Variants in DACH2 observed in about 807,000 individuals in gnomAD.
DACH2 encodes the protein dachshund family transcription factor 2.
DACH2 carries 17 observed loss-of-function variants against 35.8 expected under a neutral mutation model. The ratio of observed to expected loss-of-function variants is 0.48; its 90% CI spans 0.33 to 0.71. The LOEUF (loss-of-function observed/expected upper bound fraction) is 0.71. Ranked by LOEUF, DACH2 falls within the 30% of genes least tolerant of loss-of-function variation. The pLI is 0.02. For missense variants in DACH2, 469 were observed against 472.7 expected (o/e 0.99, Z 0.07); for synonymous variants, 195 against 177.3 (o/e 1.10, Z -0.79).
intron 7 of DACH2, among the ~76,000 whole-genome samples, chrX:86,792,835 G>A (rs1354236940): frequency 9.0e-6 from 1 of 111,516 alleles, no homozygotes; most frequent in Admixed American, 9.6e-5. Context: ...ACAAAACCAT[G>A]AGAGTTCTGA....
At chrX:86,366,120 T>C (rs2035803121) in intron 1 of DACH2, among the ~76,000 whole-genome samples, 1 of 111,248 alleles carries the variant, frequency 9.0e-6, no homozygotes, top group African/African-American at 3.3e-5. Context: ...TGTCTTTTGC[T>C]AGACACTACA....
At chrX:86,647,464 C>G (rs1795384012) in intron 3 of DACH2, among the ~76,000 whole-genome samples, 1 of 110,551 alleles carries the variant, frequency 9.0e-6, no homozygotes, top group Admixed American at 9.7e-5. Context: ...TATGATGAAT[C>G]TAAAATAGTC....
chrX:86,610,373 C>CTT (rs760823849), intron 3 of DACH2, among the ~76,000 whole-genome samples: 3,226 of 62,711 alleles, frequency 0.051, 95 homozygotes, highest in East Asian at 0.12. Context: ...CTCTTTCTTT[C>CTT]TTTCTTTCTT....
intron 7 of DACH2, among the ~76,000 whole-genome samples, chrX:86,801,377 C>T (rs1049913316): frequency 9.0e-6 from 1 of 111,006 alleles, no homozygotes; most frequent in Non-Finnish European, 1.9e-5. Context: ...ACTACGGGTT[C>T]ATGCCACTGT....
chrX:86,637,951 C>T (rs150090722), intron 3 of DACH2, among the ~76,000 whole-genome samples: 4 of 111,666 alleles, frequency 3.6e-5, no homozygotes, highest in East Asian at 5.6e-4. Context: ...GCCTGAATAG[C>T]CAAGGCAATC....
intron 4 of DACH2, among the ~76,000 whole-genome samples, chrX:86,667,071 C>A (rs1303562602): frequency 2.4e-5 from 2 of 83,673 alleles, no homozygotes; most frequent in South Asian, 6.5e-4. Context: ...CACAGAGAAA[C>A]CCCATCTCTA....
chrX:86,831,541 T>A (rs2042611800), intron 11 of DACH2: 1 of 111,046 alleles, frequency 9.0e-6, no homozygotes, highest in Non-Finnish European at 1.9e-5. Context: ...CCCACCCAAA[T>A]TAAATATTAT....
At position 86,277,179 on chromosome X, in the gene DACH2, T is replaced by C. The variant is rs2033931677; in HGVS notation, c.489-99645T>C. Among the ~76,000 whole-genome samples the C allele has an allele frequency of 2.7e-5, 3 of 111,912 alleles. No homozygotes were observed. In the Admixed American group the frequency reaches 2.8e-4, roughly 11 times the overall value. On this transcript the variant is annotated intron_variant, in intron 1 of 11. Transcript: ENST00000373125. ...ATTTATATCCATGGAATGTCTTCATTTTTTGATGTCTTCTTTAATTTCTTT... is the reference window on the plus strand; with the variant it reads ...ATTTATATCCATGGAATGTCTTCATCTTTTGATGTCTTCTTTAATTTCTTT...
chrX:86,154,514 CA>C (rs1233153679), intron 1 of DACH2, among the ~76,000 whole-genome samples: 13 of 111,562 alleles, frequency 1.2e-4, no homozygotes, highest in Admixed American at 1.1e-3. Context: ...AAAGATAAAA[CA>C]ACATTTAAAC....
intron 3 of DACH2, among the ~76,000 whole-genome samples, chrX:86,535,446 T>G (rs1304110134): frequency 9.0e-6 from 1 of 111,697 alleles, no homozygotes; most frequent in East Asian, 2.8e-4. Flanking sequence ...TCTGAAAAAC[T>G]ATTTCAGGCC....
intron 2 of DACH2, among the ~76,000 whole-genome samples, chrX:86,388,374 C>T (rs1057208261): frequency 9.0e-6 from 1 of 111,658 alleles, no homozygotes; most frequent in African/African-American, 3.3e-5. Context: ...AAGTTAGGCC[C>T]TGTTAAGCAA....
chrX:86,172,864 T>A (rs1402327183), intron 1 of DACH2, among the ~76,000 whole-genome samples: 1 of 111,659 alleles, frequency 9.0e-6, no homozygotes, highest in African/African-American at 3.3e-5. Flanking sequence ...CTAACAAAGA[T>A]CCCTTGAATG....
chrX:86,509,974 T>A (rs2038374542), intron 2 of DACH2, among the ~76,000 whole-genome samples: 1 of 111,831 alleles, frequency 8.9e-6, no homozygotes, highest in African/African-American at 3.2e-5. Flanking sequence ...AATACCACCC[T>A]TAACTACCAC....
At chrX:86,518,090 G>A (rs1300203555) in intron 3 of DACH2, among the ~76,000 whole-genome samples, 2 of 111,713 alleles carry the variant, frequency 1.8e-5, no homozygotes, top group African/African-American at 3.3e-5. Flanking sequence ...GTAAGGAAGG[G>A]GTCCAGTTTG....
At chrX:86,194,108 G>T (rs2031909794) in intron 1 of DACH2, among the ~76,000 whole-genome samples, 1 of 110,319 alleles carries the variant, frequency 9.1e-6, no homozygotes, top group African/African-American at 3.3e-5. Context: ...AATTCCTTGT[G>T]ACAAAGAAAG....
chrX:86,221,576 A>G (rs1388230725), intron 1 of DACH2, among the ~76,000 whole-genome samples: 1 of 111,910 alleles, frequency 8.9e-6, no homozygotes, highest in Non-Finnish European at 1.9e-5. Flanking sequence ...GAATTTTAGA[A>G]TTTTTTATCT....
chrX:86,676,646 C>G (rs1486547114), intron 4 of DACH2, among the ~76,000 whole-genome samples: 1 of 111,486 alleles, frequency 9.0e-6, no homozygotes, highest in Non-Finnish European at 1.9e-5. Flanking sequence ...TACTATATGA[C>G]ACAGCTCAGA....
chrX:86,813,138 G>C lies in DACH2; in HGVS notation c.1398G>C (p.Leu466=). 1 of 1,207,357 alleles carries C rather than the reference G, an allele frequency of 8.3e-7. No homozygotes were observed. The highest frequency in any genetic ancestry group is 1.1e-6 in the Non-Finnish European group (1 of 893,922). ...ETLLTNIQGL[L]KVALDNARIQ... ...TTCCTGTACCTTGACAGGGTCTGCT[G>C]AAAGTTGCTTTGGATAATGCTCGCA... Residue 466 remains leucine, a synonymous_variant, in exon 9 of 12, where the codon CTG becomes CTC. Coordinates refer to ENST00000373125, the MANE Select transcript of DACH2 (RefSeq NM_053281.3).
intron 1 of DACH2, among the ~76,000 whole-genome samples, chrX:86,344,123 T>C (rs778065133): frequency 9.0e-6 from 1 of 110,621 alleles, no homozygotes; most frequent in East Asian, 2.9e-4. Context: ...TCACTCTCCA[T>C]GATGTGCTTA....
Sources: allele counts gnomAD v4.1 joint callset (sites outside exome capture counted in the v4.1 genomes callset), GRCh38; gene constraint gnomAD v4.1.1; transcripts MANE v1.5; gene names NCBI Gene and HGNC (gene_info 2026-07-23, HGNC 2026-07-21).